MAML2: variants seen among roughly 807,000 people sequenced by gnomAD.
MAML2 encodes mastermind like transcriptional coactivator 2.
Under a neutral mutation model 96.1 loss-of-function variants are expected in MAML2, and 22 were observed. The ratio of observed to expected loss-of-function variants is 0.23; its 90% CI spans 0.16 to 0.33. MAML2 has a LOEUF of 0.33. Among genes scored for constraint, MAML2 ranks in the 10% least tolerant of loss-of-function variants. The pLI is 1.00. For synonymous variants in MAML2, 561 were observed against 521.3 expected (o/e 1.08, Z -1.04); for missense variants, 1,367 against 1,392.4 (o/e 0.98, Z 0.29).
chr11:96,155,517 T>TATATAA (rs1860996910), intron 1 of MAML2, among the ~76,000 whole-genome samples: 1 of 45,202 alleles, frequency 2.2e-5, no homozygotes, highest in Non-Finnish European at 4.3e-5. Flanking sequence ...CAAATATATA[T>TATATAA]ATATATATAT....
intron 1 of MAML2, among the ~76,000 whole-genome samples, chr11:96,281,321 A>G (rs1489967097): frequency 6.6e-6 from 1 of 152,142 alleles, no homozygotes; most frequent in Non-Finnish European, 1.5e-5. Context: ...GGTGATGGAT[A>G]GATCACTAAA....
At chr11:96,002,423 G>T (rs1225268529) in intron 2 of MAML2, among the ~76,000 whole-genome samples, 3 of 152,162 alleles carry the variant, frequency 2.0e-5, no homozygotes, top group African/African-American at 4.8e-5. Context: ...TTGTTTTTAT[G>T]GGTGTGCCAC....
rs539793842 is a variant in MAML2, at chr11:96,271,217, T to C, written c.513+70166A>G. 2.0e-5 allele frequency among the ~76,000 whole-genome samples: 3 copies of C among 152,320 alleles called. No homozygotes were observed. In the South Asian group the frequency reaches 6.2e-4, roughly 32 times the overall value. On this transcript the variant is annotated intron_variant, in intron 1 of 4. Coordinates refer to ENST00000524717, the MANE Select transcript of MAML2 (RefSeq NM_032427.4). Reference sequence around the variant, plus strand: ...CTATTTGTGGGACTTCATCTTGTGATCCTGTGAGTCAATTCTCCTAATAAA... The same window carrying C: ...CTATTTGTGGGACTTCATCTTGTGACCCTGTGAGTCAATTCTCCTAATAAA...
intron 2 of MAML2, among the ~76,000 whole-genome samples, chr11:96,060,086 A>G (rs948015628): frequency 6.6e-6 from 1 of 152,234 alleles, no homozygotes; most frequent in East Asian, 1.9e-4. Flanking sequence ...AGGTCCAGGG[A>G]ACAGCACAAA....
intron 1 of MAML2, among the ~76,000 whole-genome samples, chr11:96,229,555 A>T (rs1862261073): frequency 1.3e-5 from 2 of 148,166 alleles, no homozygotes; most frequent in South Asian, 4.4e-4. Flanking sequence ...ACCAGACTGC[A>T]AGCATCCTAG....
chr11:96,259,891 G>A (rs1862724198), intron 1 of MAML2, among the ~76,000 whole-genome samples: 1 of 151,294 alleles, frequency 6.6e-6, no homozygotes, highest in East Asian at 1.9e-4. Flanking sequence ...TCAGTATAAA[G>A]GTTACCTTAA....
At chr11:96,054,202 A>G (rs956375919) in intron 2 of MAML2, among the ~76,000 whole-genome samples, 1 of 152,150 alleles carries the variant, frequency 6.6e-6, no homozygotes, top group Admixed American at 6.6e-5. Flanking sequence ...TCACAGACTA[A>G]CTTGTCAGTG....
chr11:96,164,580 G>A (rs1861162087), intron 1 of MAML2, among the ~76,000 whole-genome samples: 1 of 152,118 alleles, frequency 6.6e-6, no homozygotes, highest in East Asian at 1.9e-4. Context: ...TTTTTAGAGT[G>A]ATACAGATTG....
chr11:96,209,489 C>T (rs1403029549), intron 1 of MAML2, among the ~76,000 whole-genome samples: 4 of 152,016 alleles, frequency 2.6e-5, no homozygotes, highest in East Asian at 3.9e-4. Flanking sequence ...GCAGAAGAAT[C>T]GCTTGAACCT....
At chr11:96,090,947 A>T (rs1859693944) in intron 2 of MAML2, among the ~76,000 whole-genome samples, 1 of 152,242 alleles carries the variant, frequency 6.6e-6, no homozygotes, top group South Asian at 2.1e-4. Context: ...GCTTAGATAG[A>T]TAACGCAGAC....
chr11:96,094,600 A>C (rs894085550), intron 1 of MAML2, among the ~76,000 whole-genome samples: 1 of 152,202 alleles, frequency 6.6e-6, no homozygotes, highest in African/African-American at 2.4e-5. Context: ...ATACTTTATG[A>C]GCCTTAAAAT....
At chr11:96,055,214 T>A (rs976156127) in intron 2 of MAML2, among the ~76,000 whole-genome samples, 21 of 152,236 alleles carry the variant, frequency 1.4e-4, no homozygotes, top group Non-Finnish European at 7.3e-5. Context: ...GTAAGAGTCA[T>A]ACTTCTCTCT....
chr11:96,037,785 A>G (rs1192077472), intron 2 of MAML2, among the ~76,000 whole-genome samples: 1 of 152,198 alleles, frequency 6.6e-6, no homozygotes, highest in Non-Finnish European at 1.5e-5. Flanking sequence ...GGGCATTCTA[A>G]GCTTTGTTTC....
intron 1 of MAML2, among the ~76,000 whole-genome samples, chr11:96,183,402 C>CT (rs928286549): frequency 1.9e-5 from 1 of 51,430 alleles, no homozygotes; most frequent in Non-Finnish European, 3.6e-5. Flanking sequence ...CTCCCCCCCC[C>CT]CCCTTTCTTT....
At chr11:96,055,370 G>A (rs1055195283) in intron 2 of MAML2, among the ~76,000 whole-genome samples, 5 of 152,098 alleles carry the variant, frequency 3.3e-5, no homozygotes, top group African/African-American at 1.2e-4. Flanking sequence ...AGTATTAATG[G>A]CAGATTTAGA....
chr11:96,189,959 G>GAT (rs1229471146), intron 1 of MAML2, among the ~76,000 whole-genome samples: 2 of 152,124 alleles, frequency 1.3e-5, no homozygotes, highest in African/African-American at 4.8e-5. Context: ...GTTAAAAGTA[G>GAT]GTGTCACTAG....
Position 96,342,080 on chromosome 11 carries a change from G to A in MAML2, c.-185C>T, listed in dbSNP as rs1204264895. 3.4e-6 allele frequency: 2 copies of A among 586,534 alleles called. No individual in the cohort carries two copies. The highest frequency in any genetic ancestry group is 5.9e-6 in the Non-Finnish European group (2 of 339,474). 36.3% of individuals were successfully genotyped at this position (586,534 alleles called of 1,614,324 possible). A position where few individuals can be genotyped will look rare whatever the true frequency, so the allele number is the denominator to read the frequency against. On this transcript the variant is annotated 5_prime_UTR_variant, in exon 1 of 5. Transcript: ENST00000524717. ...GGGGGAGGGGAGTTAGTAAAAAGAG[G>A]GTGGGGAGAAAGAATAGAAACCAAC... is the stretch of plus-strand genomic sequence containing the variant.
intron 1 of MAML2, among the ~76,000 whole-genome samples, chr11:96,287,468 C>A (rs1292441652): frequency 6.6e-6 from 1 of 152,156 alleles, no homozygotes; most frequent in African/African-American, 2.4e-5. Context: ...TACTAATGGC[C>A]AGTGTCTTGC....
intron 1 of MAML2, among the ~76,000 whole-genome samples, chr11:96,103,812 C>T (rs1191780561): frequency 6.6e-6 from 1 of 152,184 alleles, no homozygotes; most frequent in Non-Finnish European, 1.5e-5. Flanking sequence ...CCACTGTGTT[C>T]TCTGGATAGC....
Sources: allele counts gnomAD v4.1 joint callset (sites outside exome capture counted in the v4.1 genomes callset), GRCh38; gene constraint gnomAD v4.1.1; transcripts MANE v1.5; gene names NCBI Gene and HGNC (gene_info 2026-07-23, HGNC 2026-07-21).